Variants in WDPCP observed in about 807,000 individuals in gnomAD.
The protein encoded by WDPCP is WD repeat containing planar cell polarity effector, also known as WD repeat-containing and planar cell polarity effector protein fritz homolog.
A neutral mutation model predicts 93.1 loss-of-function variants in WDPCP; 71 were observed. That is an observed-to-expected ratio of 0.76 (90% confidence interval 0.63 to 0.93). The LOEUF (loss-of-function observed/expected upper bound fraction) is 0.93. Ranked by LOEUF, WDPCP falls within the 40% of genes least tolerant of loss-of-function variation. WDPCP has a pLI of 0.00. For missense variants in WDPCP, 844 were observed against 887.4 expected, an observed-to-expected ratio of 0.95 and a Z score of 0.62; for synonymous variants, 315 against 315.0, an observed-to-expected ratio of 1.00 and a Z score of 0.00.
At chr2:63,203,888 T>C (rs1441618254) in intron 14 of WDPCP, among the ~76,000 whole-genome samples, 1 of 152,238 alleles carries the variant, frequency 6.6e-6, no homozygotes, top group Non-Finnish European at 1.5e-5. Context: ...AGGATCTCAT[T>C]CTTTTTTATG....
At chr2:63,414,474 C>T (rs200899650) in intron 9 of WDPCP, among the ~76,000 whole-genome samples, 12 of 139,422 alleles carry the variant, frequency 8.6e-5, no homozygotes, top group African/African-American at 1.7e-4. Context: ...CACACATATA[C>T]ACACACACAC....
intron 2 of WDPCP, among the ~76,000 whole-genome samples, chr2:63,734,906 CAGAT>C (rs375086600): frequency 1.9e-4 from 28 of 147,996 alleles, no homozygotes; most frequent in South Asian, 1.1e-3. Context: ...GACAGACAGA[CAGAT>C]AGATAGATGA....
At position 63,120,524 on chromosome 2, in the gene WDPCP, A is replaced by AT. The variant is rs11344156; in HGVS notation, c.*1481dup. Reference sequence around the variant, plus strand: ...TTGATTATTATTATAGATGTCTATAATTTTTTTTTTTTTTTTTTTTGCAAC... The same window carrying AT: ...TTGATTATTATTATAGATGTCTATAATTTTTTTTTTTTTTTTTTTTTGCAAC... On this transcript the variant is annotated 3_prime_UTR_variant, in exon 18 of 18. Coordinates refer to ENST00000272321, the MANE Select transcript of WDPCP (RefSeq NM_015910.7). 0.01 allele frequency among the ~76,000 whole-genome samples: 1,117 copies of AT among 108,842 alleles called. 13 individuals carry two copies. Among genetic ancestry groups the AT allele is most frequent in the African/African-American group, 0.026 (747 of 28,984 alleles). 71.4% of individuals were successfully genotyped at this position (108,842 alleles called of 152,430 possible).
At chr2:63,259,103 G>A (rs1681386848) in intron 14 of WDPCP, among the ~76,000 whole-genome samples, 1 of 152,116 alleles carries the variant, frequency 6.6e-6, no homozygotes, top group South Asian at 2.1e-4. Context: ...AGTAATCACT[G>A]ATTAGAAATT....
intron 12 of WDPCP, among the ~76,000 whole-genome samples, chr2:63,315,469 T>A (rs1686563739): frequency 6.6e-6 from 1 of 151,976 alleles, no homozygotes; most frequent in African/African-American, 2.4e-5. Flanking sequence ...AAAATTAACA[T>A]AAATTAAAAT....
intron 13 of WDPCP, 101 bp from the exon 14 acceptor site, chr2:63,259,510 A>G: frequency 2.1e-6 from 2 of 947,974 alleles, no homozygotes; most frequent in Middle Eastern, 2.8e-4. Context: ...TACAAAATAG[A>G]AACAGTTTGT....
intron 12 of WDPCP, among the ~76,000 whole-genome samples, chr2:63,375,597 AG>A (rs1691785319): frequency 6.6e-6 from 1 of 151,906 alleles, no homozygotes; most frequent in Non-Finnish European, 1.5e-5. Context: ...ATTTGGAAAA[AG>A]GCTTTCAGAT....
chr2:63,367,070 A>G (rs1407071258), intron 12 of WDPCP, among the ~76,000 whole-genome samples: 1 of 151,144 alleles, frequency 6.6e-6, no homozygotes, highest in East Asian at 1.9e-4. Flanking sequence ...ATTCATTTAT[A>G]TATATGAAAT....
Position 63,727,962 on chromosome 2 carries a change from A to C in WDPCP, n.309-77124T>G, listed in dbSNP as rs1178048777. ...CAATCTTATTTTTTGAAAGTAAGCA[A>C]TTTAAAGAAGCTAAAGCTAAAAGAT... On this transcript the variant is annotated intron_variant and non_coding_transcript_variant, in intron 2 of 4. Transcript: ENST00000467687. 1.2e-4 allele frequency among the ~76,000 whole-genome samples: 19 copies of C among 152,096 alleles called. 1 individual carries two copies. Among genetic ancestry groups the C allele is most frequent in the Admixed American group, 1.2e-3 (19 of 15,264 alleles).
chr2:63,226,407 A>G (rs1432415514), intron 14 of WDPCP, among the ~76,000 whole-genome samples: 2 of 151,890 alleles, frequency 1.3e-5, no homozygotes, highest in Non-Finnish European at 2.9e-5. Flanking sequence ...ACCTTAAAAT[A>G]CTATTTATTT....
chr2:63,357,945 T>C (rs925755471), intron 12 of WDPCP, among the ~76,000 whole-genome samples: 1 of 152,198 alleles, frequency 6.6e-6, no homozygotes, highest in Non-Finnish European at 1.5e-5. Context: ...AACGAGGTCA[T>C]GTCTTTTGCA....
At chr2:63,696,274 C>T (rs1011245582) in intron 2 of WDPCP, among the ~76,000 whole-genome samples, 11 of 149,598 alleles carry the variant, frequency 7.4e-5, no homozygotes, top group Admixed American at 2.7e-4. Context: ...TGCACATCTT[C>T]ATGGAAGTGA....
chr2:63,152,647 A>T (rs1671966488), intron 17 of WDPCP, among the ~76,000 whole-genome samples: 1 of 152,198 alleles, frequency 6.6e-6, no homozygotes, highest in African/African-American at 2.4e-5. Context: ...CAACTTGAAG[A>T]TGTGTAATTT....
At chr2:63,605,480 C>A in intron 3 of WDPCP, 1 of 971,662 alleles carries the variant, frequency 1.0e-6, no homozygotes, top group Non-Finnish European at 1.6e-6. Context: ...CCTTAGCAGT[C>A]AGTCAGGTTA....
intron 14 of WDPCP, among the ~76,000 whole-genome samples, chr2:63,192,225 T>C (rs1675104586): frequency 6.6e-6 from 1 of 152,216 alleles, no homozygotes. Context: ...GATCTCTGTG[T>C]TTAACTATCT....
chr2:63,263,389 T>G (rs1275712890), intron 13 of WDPCP, among the ~76,000 whole-genome samples: 1 of 152,210 alleles, frequency 6.6e-6, no homozygotes, highest in Non-Finnish European at 1.5e-5. Flanking sequence ...AAATTAATGC[T>G]GTTATCACAG....
At chr2:63,508,415 T>G (rs759014310) in intron 1 of WDPCP, among the ~76,000 whole-genome samples, 1 of 152,164 alleles carries the variant, frequency 6.6e-6, no homozygotes, top group Non-Finnish European at 1.5e-5. Context: ...AGGCCCACCT[T>G]ACAAGAGCTC....
intron 2 of WDPCP, among the ~76,000 whole-genome samples, chr2:63,685,923 C>T (rs1400743103): frequency 6.6e-6 from 1 of 152,076 alleles, no homozygotes; most frequent in Non-Finnish European, 1.5e-5. Flanking sequence ...ATGATAAGAA[C>T]CCTCAAAAAA....
At chr2:63,373,449 T>A (rs1395958917) in intron 12 of WDPCP, among the ~76,000 whole-genome samples, 2 of 151,532 alleles carry the variant, frequency 1.3e-5, no homozygotes, top group Middle Eastern at 3.4e-3. Flanking sequence ...AGAGACGGGG[T>A]CTCACTGTGT....
Sources: gnomAD v4.1 joint callset for allele counts (sites outside exome capture counted in the v4.1 genomes callset) on GRCh38, gnomAD v4.1.1 for gene constraint, MANE v1.5 for transcripts, NCBI Gene and HGNC (gene_info 2026-07-23, HGNC 2026-07-21) for gene names.